TRIL: variants seen among roughly 807,000 people sequenced by gnomAD.
TRIL encodes TLR4 interactor with leucine rich repeats.
A neutral mutation model predicts 43.0 loss-of-function variants in TRIL; 23 were observed. That is an observed-to-expected ratio of 0.54 (90% CI 0.39 to 0.76). The LOEUF (loss-of-function observed/expected upper bound fraction) is 0.76, where lower values mean the gene tolerates loss of function less well. Ranked by LOEUF, TRIL falls within the 30% of genes least tolerant of loss-of-function variation. The pLI is 0.00. For synonymous variants in TRIL, 602 were observed against 556.8 expected (o/e 1.08, Z -1.14); for missense variants, 1,114 against 1,139.3 (o/e 0.98, Z 0.32).
In TRIL at chr7:28,954,483, T is replaced by C. The variant is rs1783366698; in HGVS notation, c.*1128A>G. The C allele has an allele frequency of 6.6e-6, 1 of 152,642 alleles. No homozygotes were observed. Among genetic ancestry groups the C allele is most frequent in the Non-Finnish European group, 1.5e-5 (1 of 68,040 alleles). The allele number at this position is 152,642 out of a possible 1,614,324, so 9.5% of individuals were successfully genotyped here. A position where few individuals can be genotyped will look rare whatever the true frequency, so the allele number is the denominator to read the frequency against. The stretch of plus-strand genomic sequence containing the variant: ...ATTTGTTTTCTATAATTTCTTCCCC[T>C]CTACTATTTCATATAAAGACACTAA... On this transcript the variant is annotated 3_prime_UTR_variant, in exon 1 of 1. Transcript: ENST00000539664.
At position 28,956,483 on chromosome 7, in the gene TRIL, G is replaced by T; in HGVS notation, c.1564C>A (p.Arg522=). Residue 522 remains arginine (R), a synonymous_variant, in exon 1 of 1, where the codon CGG becomes AGG. Transcript: ENST00000539664. Reference sequence around the variant, plus strand: ...GGCTCCGCGAGGGCGGGATCTGCCCGAGTCGGACGGCCCCGCTGGGGCTTC... The same window carrying T: ...GGCTCCGCGAGGGCGGGATCTGCCCTAGTCGGACGGCCCCGCTGGGGCTTC... The part of the protein sequence containing the change: ...HKKPQRGRPT[R]ADPALAEPTP... 6.4e-7 allele frequency: 1 copy of T among 1,563,992 alleles called. No individual in the cohort carries two copies. Among genetic ancestry groups the T allele is most frequent in the Non-Finnish European group, 8.6e-7 (1 of 1,162,918 alleles).
chr7:28,955,850 C>G lies in TRIL; in HGVS notation c.2197G>C (p.Gly733Arg), dbSNP rs1783389113. ...RRKLRARRKG[G>R]APVHVRHMYS... ...ATGTGCCGAACGTGGACCGGGGCCC[C>G]GCCCTTCCGCCTAGCCCGCAGTTTC... The change falls in exon 1 of 1, where the codon GGG becomes CGG. Residue 733 changes from glycine (G) to arginine (R), a missense_variant. By Grantham distance (125) the Gly-to-Arg change is moderately radical. Coordinates refer to ENST00000539664, the MANE Select transcript of TRIL (RefSeq NM_014817.4). The G allele has an allele frequency of 6.5e-7, 1 of 1,549,778 alleles. No homozygotes were observed. The highest frequency in any genetic ancestry group is 8.7e-7 in the Non-Finnish European group (1 of 1,146,788).
chr7:28,955,314 C>T lies in TRIL; in HGVS notation c.*297G>A, dbSNP rs1783380350. The T allele has an allele frequency of 2.5e-6, 1 of 401,304 alleles. No individual in the cohort carries two copies. Among genetic ancestry groups the T allele is most frequent in the Non-Finnish European group, 4.4e-6 (1 of 228,900 alleles). 24.9% of individuals were successfully genotyped at this position (401,304 alleles called of 1,614,324 possible). On this transcript the variant is annotated 3_prime_UTR_variant, in exon 1 of 1. Transcript: ENST00000539664. ...CCCCCTTTCTACCCCCAAAGCCTGG[C>T]TTCTGCATTGCAGTGCTACAAAAGC...
In TRIL at chr7:28,955,665, G is replaced by C; in HGVS notation, c.2382C>G (p.Gly794=). The C allele has an allele frequency of 3.9e-6, 6 of 1,547,718 alleles. No individual in the cohort carries two copies. Among genetic ancestry groups the C allele is most frequent in the Non-Finnish European group, 5.2e-6 (6 of 1,146,560 alleles). Residue 794 remains glycine (G), a synonymous_variant, in exon 1 of 1, where the codon GGC becomes GGG. Transcript: ENST00000539664. ...CCTCCCGTCTCAGGCTGCCGCCCGC[G>C]CCGCCGCCCGCACTGTCCATGAAGC... ...CDRFMDSAGG[G]AGGSLRREDR... is the part of the protein sequence containing the mutation.
rs780939105 is a variant in TRIL at position 28,956,352 on chromosome 7, C to A, written c.1695G>T (p.Gln565His). The A allele has an allele frequency of 1.3e-6, 2 of 1,530,124 alleles. No individual in the cohort carries two copies. Among genetic ancestry groups the A allele is most frequent in the Non-Finnish European group, 1.7e-6 (2 of 1,144,298 alleles). 94.8% of individuals were successfully genotyped at this position (1,530,124 alleles called of 1,614,324 possible). A position where few individuals can be genotyped will look rare whatever the true frequency, so the allele number is the denominator to read the frequency against. ...GCGGCAGCCCGGCCCCACCGTCGGACTGGGCGGCACGCTCCTGGTGCTCCG... is the reference window on the plus strand; with the variant it reads ...GCGGCAGCCCGGCCCCACCGTCGGAATGGGCGGCACGCTCCTGGTGCTCCG... ...LGTEHQERAA[Q>H]SDGGAGLPPL... The change falls in exon 1 of 1, where the codon CAG becomes CAT. Residue 565 changes from glutamine (Q) to histidine (H), a missense_variant. Gln to His is a conservative substitution (Grantham distance 24). Transcript: ENST00000539664.
chr7:28,958,300 C>A lies in TRIL; in HGVS notation c.-254G>T. On this transcript the variant is annotated 5_prime_UTR_variant, in exon 1 of 1. Coordinates refer to ENST00000539664, the MANE Select transcript of TRIL (RefSeq NM_014817.4). ...CTACTTGTTGCATTTCTGTATAAAA[C>A]TGTTTCTCCGGGTGCGCGTCGGCGG... is the stretch of plus-strand genomic sequence containing the variant. The A allele has an allele frequency of 2.2e-6, 1 of 458,496 alleles. No individual in the cohort carries two copies. The highest frequency in any genetic ancestry group is 3.9e-6 in the Non-Finnish European group (1 of 259,044). The allele number at this position is 458,496 out of a possible 1,614,324, so 28.4% of individuals were successfully genotyped here. A position where few individuals can be genotyped will look rare whatever the true frequency, so the allele number is the denominator to read the frequency against.
chr7:28,955,555 C>T lies in TRIL; in HGVS notation c.*56G>A, dbSNP rs1157566010. 2 of 1,451,916 alleles carry T rather than the reference C, an allele frequency of 1.4e-6. No individual in the cohort carries two copies. The highest frequency in any genetic ancestry group is 1.8e-6 in the Non-Finnish European group (2 of 1,103,358). 89.9% of individuals were successfully genotyped at this position (1,451,916 alleles called of 1,614,324 possible). A position where few individuals can be genotyped will look rare whatever the true frequency, so the allele number is the denominator to read the frequency against. Reference sequence around the variant, plus strand: ...ACTTCCCCTGAGGTGGGCTGGTGGGCCTCACGGAGAGGCGGCTCCTTAGGG... The same window carrying T: ...ACTTCCCCTGAGGTGGGCTGGTGGGTCTCACGGAGAGGCGGCTCCTTAGGG... On this transcript the variant is annotated 3_prime_UTR_variant, in exon 1 of 1. Coordinates refer to ENST00000539664, the MANE Select transcript of TRIL (RefSeq NM_014817.4).
chr7:28,958,070 G>A lies in TRIL; in HGVS notation c.-24C>T. The A allele has an allele frequency of 6.8e-7, 1 of 1,477,674 alleles. No individual in the cohort carries two copies. The highest frequency in any genetic ancestry group is 2.4e-4 in the Middle Eastern group (1 of 4,132). 91.5% of individuals were successfully genotyped at this position (1,477,674 alleles called of 1,614,324 possible). A position where few individuals can be genotyped will look rare whatever the true frequency, so the allele number is the denominator to read the frequency against. On this transcript the variant is annotated 5_prime_UTR_variant, in exon 1 of 1. Coordinates refer to ENST00000539664, the MANE Select transcript of TRIL (RefSeq NM_014817.4). ...ATCGCCTCCCGCCCTGCGTGCAGCG[G>A]CCGGATCGTCCTCTTGGCCCGCCGG...
Position 28,955,997 on chromosome 7 carries a change from G to A in TRIL, c.2050C>T (p.Leu684=), listed in dbSNP as rs1301955084. 1.3e-6 allele frequency: 2 copies of A among 1,552,208 alleles called. No individual in the cohort carries two copies. Among genetic ancestry groups the A allele is most frequent in the Admixed American group, 3.8e-5 (2 of 52,630 alleles). Residue 684 remains leucine (L), a synonymous_variant, in exon 1 of 1, where the codon CTA becomes TTA. Transcript: ENST00000539664. ...CCGCCCCGGCTCCCGGCCTCCGGTA[G>A]GGTGACCAGCCCCGCGCAGTGGTCC... ...PRDHCAGLVT[L]PEAGSRGGVD...
chr7:28,957,634 G>A lies in TRIL; in HGVS notation c.413C>T (p.Ala138Val), dbSNP rs1783427983. ...TAGGCGGCTGATCTCGTTCCCGTTG[G>A]CGTAGAGGATGCGCAGCTTGCGCAG... ...APLRKLRILY[A>V]NGNEISRLSR... is the part of the protein sequence containing the mutation. Residue 138 changes from alanine to valine, a missense_variant, in exon 1 of 1, where the codon GCC becomes GTC. Transcript: ENST00000539664. 1 of 1,610,720 alleles carries A rather than the reference G, an allele frequency of 6.2e-7. No homozygotes were observed.
In TRIL at chr7:28,956,134, T is replaced by C. The variant is rs982988983; in HGVS notation, c.1913A>G (p.Tyr638Cys). The C allele has an allele frequency of 6.4e-7, 1 of 1,566,736 alleles. No homozygotes were observed. Among genetic ancestry groups the C allele is most frequent in the South Asian group, 1.2e-5 (1 of 85,348 alleles). ...GQQPKFHRFV[Y>C]LPESSDSATL... ...GGCCGAGTCGCTGCTCTCAGGCAGG[T>C]AGACGAAGCGGTGGAACTTGGGCTG... Residue 638 changes from tyrosine (Y) to cysteine (C), a missense_variant, in exon 1 of 1, where the codon TAC (tyrosine) becomes TGC (cysteine). Tyr to Cys is a radical substitution (Grantham distance 194, BLOSUM62 -2). Coordinates refer to ENST00000539664, the MANE Select transcript of TRIL (RefSeq NM_014817.4).
Position 28,957,215 on chromosome 7 carries a change from C to A in TRIL, c.832G>T (p.Ala278Ser). ...CCCTCCAGGCGCAGCTCGCGCAGGG[C>A]CTCCAAGCCCCAAAAGGCCTCAGGC... ...LAPEAFWGLE[A>S]LRELRLEGNR... The change falls in exon 1 of 1, where the codon GCC becomes TCC. Residue 278 changes from alanine (A) to serine (S), a missense_variant. Coordinates refer to ENST00000539664, the MANE Select transcript of TRIL (RefSeq NM_014817.4). 1 of 1,604,046 alleles carries A rather than the reference C, an allele frequency of 6.2e-7. No homozygotes were observed.
Position 28,956,400 on chromosome 7 carries a change from G to C in TRIL, c.1647C>G (p.Arg549=). ...CCGTGCCCAGACGATGCTTCGTCGC[G>C]CGCTGCCAGGGGTCGCCGGCGGGCG... The part of the protein sequence containing the change: ...APSPAGDPWQ[R]ATKHRLGTEH... Residue 549 remains arginine (R), a synonymous_variant, in exon 1 of 1, where the codon CGC becomes CGG. Coordinates refer to ENST00000539664, the MANE Select transcript of TRIL (RefSeq NM_014817.4). 2 of 1,535,780 alleles carry C rather than the reference G, an allele frequency of 1.3e-6. No individual in the cohort carries two copies. The highest frequency in any genetic ancestry group is 1.7e-6 in the Non-Finnish European group (2 of 1,147,172).
chr7:28,955,409 C>T lies in TRIL; in HGVS notation c.*202G>A, dbSNP rs192190824. The stretch of plus-strand genomic sequence containing the variant: ...TCAGCATCCCACCATCCATTTGTCC[C>T]CTACTCTGGCTCTGACCACCAAGTA... On this transcript the variant is annotated 3_prime_UTR_variant, in exon 1 of 1. Coordinates refer to ENST00000539664, the MANE Select transcript of TRIL (RefSeq NM_014817.4). The T allele has an allele frequency of 1.7e-5, 13 of 764,258 alleles. No individual in the cohort carries two copies. In the East Asian group the frequency reaches 2.9e-4, roughly 17 times the overall value. The allele number at this position is 764,258 out of a possible 1,614,324, so 47.3% of individuals were successfully genotyped here. A position where few individuals can be genotyped will look rare whatever the true frequency, so the allele number is the denominator to read the frequency against.
chr7:28,956,498 G>T lies in TRIL; in HGVS notation c.1549C>A (p.Arg517=). 1 of 1,573,870 alleles carries T rather than the reference G, an allele frequency of 6.4e-7. No individual in the cohort carries two copies. The highest frequency in any genetic ancestry group is 2.3e-5 in the East Asian group (1 of 43,394). The part of the protein sequence containing the change: ...QSLDLHKKPQ[R]GRPTRADPAL... ...GGATCTGCCCGAGTCGGACGGCCCCGCTGGGGCTTCTTGTGCAGGTCTAGG... is the reference window on the plus strand; with the variant it reads ...GGATCTGCCCGAGTCGGACGGCCCCTCTGGGGCTTCTTGTGCAGGTCTAGG... Residue 517 remains arginine (R), a synonymous_variant, in exon 1 of 1, where the codon CGG becomes AGG. Transcript: ENST00000539664.
chr7:28,955,573 C>T lies in TRIL; in HGVS notation c.*38G>A. ...TGGTGGGCCTCACGGAGAGGCGGCT[C>T]CTTAGGGCCAATGAGATGGTCTCTA... On this transcript the variant is annotated 3_prime_UTR_variant, in exon 1 of 1. Coordinates refer to ENST00000539664, the MANE Select transcript of TRIL (RefSeq NM_014817.4). The T allele has an allele frequency of 4.8e-6, 7 of 1,473,544 alleles. No homozygotes were observed. Among genetic ancestry groups the T allele is most frequent in the Non-Finnish European group, 6.3e-6 (7 of 1,112,428 alleles). The allele number at this position is 1,473,544 out of a possible 1,614,324, so 91.3% of individuals were successfully genotyped here.
At position 28,957,510 on chromosome 7, in the gene TRIL, GC is replaced by G; in HGVS notation, c.536del (p.Gly179AlafsTer24). ...ACTCCAGATGTAGGTAGAGCAGGTTGCCCAAGGGAGCGAAGACCGCGTCCGG... is the reference window on the plus strand; with the variant it reads ...ACTCCAGATGTAGGTAGAGCAGGTTGCCAAGGGAGCGAAGACCGCGTCCGG... ...ALPDAVFAPLGNLLYLHLESN... is the reference protein window; with the variant it reads ...ALPDAVFAPLXNLLYLHLESN... On this transcript the variant is annotated frameshift_variant, in exon 1 of 1. Coordinates refer to ENST00000539664, the MANE Select transcript of TRIL (RefSeq NM_014817.4). LOFTEE classifies it high-confidence loss of function. 1 of 1,613,216 alleles carries G rather than the reference GC, an allele frequency of 6.2e-7. No individual in the cohort carries two copies. Among genetic ancestry groups the G allele is most frequent in the Non-Finnish European group, 8.5e-7 (1 of 1,179,838 alleles).
At position 28,955,680 on chromosome 7, in the gene TRIL, G is replaced by A. The variant is rs993125747; in HGVS notation, c.2367C>T (p.Asp789=). The A allele has an allele frequency of 4.5e-6, 7 of 1,549,458 alleles. No homozygotes were observed. In the East Asian group the frequency reaches 7.3e-5, roughly 16 times the overall value. ...LIEFPCDRFM[D]SAGGGAGGSL... ...TGCCGCCCGCGCCGCCGCCCGCACT[G>A]TCCATGAAGCGGTCGCAGGGGAATT... Residue 789 remains aspartate, a synonymous_variant, in exon 1 of 1, where the codon GAC becomes GAT. Coordinates refer to ENST00000539664, the MANE Select transcript of TRIL (RefSeq NM_014817.4).
chr7:28,956,902 C>T lies in TRIL; in HGVS notation c.1145G>A (p.Arg382Gln), dbSNP rs753003292. The T allele has an allele frequency of 1.6e-5, 25 of 1,608,152 alleles. No individual in the cohort carries two copies. Among genetic ancestry groups the T allele is most frequent in the Non-Finnish European group, 2.0e-5 (23 of 1,177,858 alleles). Residue 382 changes from arginine (R) to glutamine (Q), a missense_variant, in exon 1 of 1, where the codon CGG becomes CAG. Coordinates refer to ENST00000539664, the MANE Select transcript of TRIL (RefSeq NM_014817.4). ...RWMGDWHSQG[R>Q]LLTVFVQCRH... ...ACACTGCACGAAGACAGTGAGGAGC[C>T]GGCCCTGCGAGTGCCAGTCGCCCAT... is the stretch of plus-strand genomic sequence containing the variant.
Sources: allele counts gnomAD v4.1 joint callset, GRCh38; gene constraint gnomAD v4.1.1; transcripts MANE v1.5; gene names NCBI Gene and HGNC (gene_info 2026-07-23, HGNC 2026-07-21).